The following KIFBP variants were observed in gnomAD, a reference collection of about 807,000 sequenced individuals.
KIFBP encodes kinesin family binding protein, also known as KIF-binding protein.
Under a neutral mutation model 58.9 loss-of-function variants are expected in KIFBP, and 46 were observed. That is an observed-to-expected ratio of 0.78 (90% CI 0.62 to 1.00). KIFBP has a LOEUF of 1.00. Among genes scored for constraint, KIFBP ranks in the 50% least tolerant of loss-of-function variants. The pLI is 0.00. For synonymous variants in KIFBP, 241 were observed against 283.4 expected, an observed-to-expected ratio of 0.85 and a Z score of 1.50; for missense variants, 651 against 752.9, an observed-to-expected ratio of 0.86 and a Z score of 1.58.
rs373624015 is a variant in KIFBP at position 69,006,413 on chromosome 10, A to C, written c.789+498A>C. On this transcript the variant is annotated intron_variant, in intron 4 of 6. Transcript: ENST00000361983. ...TATGTCTGCTGAGTTCCAAAGTTCT[A>C]GGTCTTTATACCATACTTCTTTTGG... 2.6e-5 allele frequency among the ~76,000 whole-genome samples: 4 copies of C among 152,328 alleles called. No homozygotes were observed. The East Asian group carries it at 7.7e-4, about 29-fold the overall frequency.
intron 4 of KIFBP, among the ~76,000 whole-genome samples, chr10:69,006,371 T>A (rs956782869): frequency 6.6e-6 from 1 of 152,232 alleles, no homozygotes; most frequent in Non-Finnish European, 1.5e-5. Flanking sequence ...TCTGTAATAA[T>A]TTTTTAATGT....
At chr10:69,002,481 C>G (rs557636160) in intron 2 of KIFBP, among the ~76,000 whole-genome samples, 5 of 151,984 alleles carry the variant, frequency 3.3e-5, no homozygotes, top group Admixed American at 3.3e-4. Flanking sequence ...TTTTAACTTT[C>G]TTCCTGAAGT....
intron 2 of KIFBP, among the ~76,000 whole-genome samples, chr10:69,004,135 G>T (rs184022368): frequency 6.7e-6 from 1 of 149,000 alleles, no homozygotes; most frequent in African/African-American, 2.5e-5. Context: ...CAGGTGAATC[G>T]CTTGAACCCG....
At position 69,005,641 on chromosome 10, in the gene KIFBP, C is replaced by A. The variant is rs1170478191; in HGVS notation, c.606-91C>A. ...TGAGCCAAGATCGTGCCACTGTACT[C>A]CAGCCTGGGCAACAGAGCGAGACTC... is the stretch of plus-strand genomic sequence containing the variant. On this transcript the variant is annotated intron_variant, in intron 3 of 6. Coordinates refer to ENST00000361983, the MANE Select transcript of KIFBP (RefSeq NM_015634.4). The A allele has an allele frequency of 4.0e-6, 4 of 1,011,660 alleles. No homozygotes were observed. In the East Asian group the frequency reaches 1.0e-4, roughly 26 times the overall value. The allele number at this position is 1,011,660 out of a possible 1,614,324, so 62.7% of individuals were successfully genotyped here.
chr10:68,998,771 A>ATATATTTTT (rs1357079794), intron 1 of KIFBP, among the ~76,000 whole-genome samples: 1 of 99,864 alleles, frequency 1.0e-5, no homozygotes, highest in Non-Finnish European at 2.0e-5. Context: ...ATATATATAT[A>ATATATTTTT]TTTTTTTTTT....
intron 1 of KIFBP, among the ~76,000 whole-genome samples, chr10:68,995,888 T>G (rs1478001916): frequency 6.6e-6 from 1 of 152,226 alleles, no homozygotes; most frequent in African/African-American, 2.4e-5. Context: ...CTGGGCACGG[T>G]ACCTCATGGC....
chr10:69,008,419 T>TATATATATATATATATA (rs1564637637), intron 4 of KIFBP, among the ~76,000 whole-genome samples: 15 of 137,568 alleles, frequency 1.1e-4, no homozygotes, highest in African/African-American at 3.5e-4. Flanking sequence ...TATATATATA[T>TATATATATATATATATA]TCAGTCTTCT....
chr10:68,995,248 G>A (rs1402333357), intron 1 of KIFBP: 1 of 152,092 alleles, frequency 6.6e-6, no homozygotes, highest in African/African-American at 2.4e-5. Flanking sequence ...TGATTCGCCT[G>A]CGTTGGCCTC....
At chr10:69,011,213 G>C in intron 6 of KIFBP, 198 bp downstream of exon 6, 1 of 544,600 alleles carries the variant, frequency 1.8e-6, no homozygotes. Flanking sequence ...GGCTGCGTGA[G>C]CCGAGATTGG....
At chr10:68,990,861 A>T (rs2132105566) in intron 1 of KIFBP, among the ~76,000 whole-genome samples, 1 of 152,294 alleles carries the variant, frequency 6.6e-6, no homozygotes, top group Non-Finnish European at 1.5e-5. Flanking sequence ...GAATATGATT[A>T]AATTCCGTTA....
intron 6 of KIFBP, among the ~76,000 whole-genome samples, chr10:69,014,173 A>G (rs1269657543): frequency 6.6e-6 from 1 of 152,210 alleles, no homozygotes; most frequent in Non-Finnish European, 1.5e-5. Context: ...ATTTATGCCA[A>G]CCCTGTGCTA....
chr10:69,009,021 A>ATC (rs1843565208), intron 5 of KIFBP, 96 bp downstream of exon 5: 9 of 924,820 alleles, frequency 9.7e-6, no homozygotes. Flanking sequence ...CAGAAGAGCT[A>ATC]TCATATGCCC....
intron 6 of KIFBP, 92 bp from the exon 7 acceptor site, chr10:69,015,444 ACTTCT>A (rs1331581011): frequency 8.4e-7 from 1 of 1,187,428 alleles, no homozygotes; most frequent in Non-Finnish European, 1.2e-6. Context: ...AAAGTAAGAG[ACTTCT>A]CTTCTAAAAA....
At chr10:69,011,210 T>C in intron 6 of KIFBP, 195 bp downstream of exon 6, 1 of 549,476 alleles carries the variant, frequency 1.8e-6, no homozygotes, top group East Asian at 3.5e-5. Flanking sequence ...AGAGGCTGCG[T>C]GAGCCGAGAT....
intron 2 of KIFBP, among the ~76,000 whole-genome samples, chr10:69,000,747 A>C (rs1273844313): frequency 2.0e-5 from 3 of 152,228 alleles, no homozygotes; most frequent in Admixed American, 6.5e-5. Context: ...CCTAGTCTAA[A>C]TACAATTATA....
chr10:69,000,633 T>C (rs746593456), intron 2 of KIFBP, 111 bp downstream of exon 2: 2 of 781,336 alleles, frequency 2.6e-6, no homozygotes, highest in Non-Finnish European at 4.5e-6. Flanking sequence ...GCCCTAGAAC[T>C]TCTCTATAGA....
intron 6 of KIFBP, chr10:69,015,251 A>T: frequency 2.8e-6 from 1 of 351,438 alleles, no homozygotes; most frequent in Non-Finnish European, 5.2e-6. Flanking sequence ...TACATGTAGC[A>T]TTTATCTTAT....
In KIFBP at chr10:69,001,543, T is replaced by C. The variant is rs562581970; in HGVS notation, c.525+1021T>C. Among the ~76,000 whole-genome samples the C allele has an allele frequency of 3.7e-3, 564 of 151,722 alleles. 2 individuals carry two copies. The highest frequency in any genetic ancestry group is 0.012 in the African/African-American group (513 of 41,350). On this transcript the variant is annotated intron_variant, in intron 2 of 6. Transcript: ENST00000361983. The stretch of plus-strand genomic sequence containing the variant: ...GCCGAGGCAGGTGGATCACTTGAGA[T>C]CAGGAATTCGAGACCAGCTTGGGCA...
At chr10:68,991,485 C>A in intron 1 of KIFBP, 1 of 395,790 alleles carries the variant, frequency 2.5e-6, no homozygotes, top group South Asian at 2.1e-5. Flanking sequence ...GTCGATGTCT[C>A]CGAACTAAGA....
Sources: gnomAD v4.1 joint callset for allele counts (sites outside exome capture counted in the v4.1 genomes callset) on GRCh38, gnomAD v4.1.1 for gene constraint, MANE v1.5 for transcripts, NCBI Gene and HGNC (gene_info 2026-07-23, HGNC 2026-07-21) for gene names.